The following GPC5 variants were observed in gnomAD, a reference collection of about 807,000 sequenced individuals.
GPC5 encodes glypican 5, also known as glypican-5.
In GPC5, 47 loss-of-function variants were observed where a neutral mutation model predicts 53.9. That is an observed-to-expected ratio of 0.87 (90% CI 0.69 to 1.11). The LOEUF (loss-of-function observed/expected upper bound fraction) is 1.11. Ranked by LOEUF, GPC5 falls within the 50% of genes most tolerant of loss-of-function variation. The pLI is 0.00. For missense variants in GPC5, 748 were observed against 713.1 expected, an observed-to-expected ratio of 1.05 and a Z score of -0.56; for synonymous variants, 286 against 263.3, an observed-to-expected ratio of 1.09 and a Z score of -0.84.
At chr13:92,576,053 T>G (rs1459995344) in intron 7 of GPC5, among the ~76,000 whole-genome samples, 1 of 152,170 alleles carries the variant, frequency 6.6e-6, no homozygotes. Flanking sequence ...TGTATGTGTA[T>G]GTATATATTC....
chr13:91,458,592 T>TA (rs974765338), intron 2 of GPC5, among the ~76,000 whole-genome samples: 15 of 150,706 alleles, frequency 1.0e-4, no homozygotes, highest in African/African-American at 2.4e-4. Flanking sequence ...AATTAAAAAA[T>TA]AAAAAAAAAT....
chr13:92,766,137 C>T (rs1315854134), intron 7 of GPC5, among the ~76,000 whole-genome samples: 2 of 152,140 alleles, frequency 1.3e-5, no homozygotes, highest in East Asian at 3.9e-4. Context: ...TATAGAGAAT[C>T]TCTAAAGCTC....
At chr13:91,611,868 T>G (rs574323330) in intron 2 of GPC5, among the ~76,000 whole-genome samples, 1 of 152,182 alleles carries the variant, frequency 6.6e-6, no homozygotes, top group Non-Finnish European at 1.5e-5. Context: ...GACATACACC[T>G]GAACACTGCT....
chr13:92,152,952 A>T (rs73620837), intron 7 of GPC5, among the ~76,000 whole-genome samples: 3,539 of 152,198 alleles, frequency 0.023, 140 homozygotes, highest in African/African-American at 0.081. Flanking sequence ...TAACTTTTAT[A>T]AAAAATACAG....
At chr13:92,820,365 G>T (rs1877632156) in intron 7 of GPC5, among the ~76,000 whole-genome samples, 1 of 152,060 alleles carries the variant, frequency 6.6e-6, no homozygotes, top group African/African-American at 2.4e-5. Flanking sequence ...AAACCTTTCA[G>T]GTTTTGTTGT....
intron 2 of GPC5, among the ~76,000 whole-genome samples, chr13:91,610,389 G>A (rs539346212): frequency 6.6e-6 from 1 of 152,148 alleles, no homozygotes; most frequent in East Asian, 1.9e-4. Context: ...TTCTTCCGTA[G>A]CTCATTTTAT....
At chr13:92,646,929 C>CT (rs372426651) in intron 7 of GPC5, among the ~76,000 whole-genome samples, 1 of 135,096 alleles carries the variant, frequency 7.4e-6, no homozygotes, top group Non-Finnish European at 1.6e-5. Flanking sequence ...TATATATAAA[C>CT]ATGTGTGTGT....
intron 5 of GPC5, among the ~76,000 whole-genome samples, chr13:91,764,563 A>G (rs768207628): frequency 6.6e-6 from 1 of 152,208 alleles, no homozygotes; most frequent in African/African-American, 2.4e-5. Context: ...AGTTCCATAA[A>G]CCGTGTAAAT....
At chr13:91,889,210 T>G (rs1053989033) in intron 5 of GPC5, among the ~76,000 whole-genome samples, 2 of 152,172 alleles carry the variant, frequency 1.3e-5, no homozygotes, top group African/African-American at 2.4e-5. Flanking sequence ...TGTAAAGGAA[T>G]AAGTGCCCAT....
intron 7 of GPC5, among the ~76,000 whole-genome samples, chr13:92,603,518 G>A (rs1363119196): frequency 2.0e-5 from 3 of 152,104 alleles, no homozygotes; most frequent in Admixed American, 6.6e-5. Context: ...TATAGCTGAG[G>A]TTTCAATGAT....
intron 7 of GPC5, among the ~76,000 whole-genome samples, chr13:92,508,751 G>C (rs1249865997): frequency 6.6e-6 from 1 of 152,138 alleles, no homozygotes; most frequent in Admixed American, 6.5e-5. Flanking sequence ...CAATAAATTA[G>C]TCAAGTCATA....
chr13:92,728,428 C>T (rs1888705381), intron 7 of GPC5, among the ~76,000 whole-genome samples: 1 of 151,354 alleles, frequency 6.6e-6, no homozygotes, highest in African/African-American at 2.4e-5. Context: ...CCCCATGATT[C>T]AGCCAATACA....
chr13:92,807,888 A>G (rs993388558), intron 7 of GPC5, among the ~76,000 whole-genome samples: 4 of 152,264 alleles, frequency 2.6e-5, no homozygotes, highest in Admixed American at 2.0e-4. Flanking sequence ...CTAAATAAAT[A>G]TGCCAGGTAT....
At chr13:92,267,201 C>T (rs1289317260) in intron 7 of GPC5, among the ~76,000 whole-genome samples, 1 of 152,000 alleles carries the variant, frequency 6.6e-6, no homozygotes, top group Non-Finnish European at 1.5e-5. Context: ...ATGTTTCCTC[C>T]ATACATCCTG....
At chr13:92,790,953 T>A (rs1292493582) in intron 7 of GPC5, among the ~76,000 whole-genome samples, 2 of 152,136 alleles carry the variant, frequency 1.3e-5, no homozygotes, top group Admixed American at 6.6e-5. Flanking sequence ...CTAGGTTCAA[T>A]GGAATGTTTT....
chr13:92,281,533 C>A (rs1384352876), intron 7 of GPC5, among the ~76,000 whole-genome samples: 3 of 152,098 alleles, frequency 2.0e-5, no homozygotes, highest in African/African-American at 7.2e-5. Context: ...CGGCTGGGTA[C>A]CCCTCTGAGA....
At chr13:91,879,662 G>A (rs538447417) in intron 5 of GPC5, among the ~76,000 whole-genome samples, 136 of 152,182 alleles carry the variant, frequency 8.9e-4, no homozygotes, top group African/African-American at 3.1e-3. Context: ...TCCCAAAAGC[G>A]CCATCTCCAA....
chr13:92,793,280 T>A (rs1876534341), intron 7 of GPC5, among the ~76,000 whole-genome samples: 1 of 152,110 alleles, frequency 6.6e-6, no homozygotes, highest in Non-Finnish European at 1.5e-5. Context: ...TGCTCCTGAA[T>A]GACTACTGGG....
intron 6 of GPC5, among the ~76,000 whole-genome samples, chr13:91,973,339 TG>T (rs2040263164): frequency 1.3e-5 from 2 of 152,256 alleles, no homozygotes; most frequent in African/African-American, 4.8e-5. Context: ...AGGACTTCTC[TG>T]CATTAGTTAT....
Sources: allele counts gnomAD v4.1 joint callset (sites outside exome capture counted in the v4.1 genomes callset), GRCh38; gene constraint gnomAD v4.1.1; transcripts MANE v1.5; gene names NCBI Gene and HGNC (gene_info 2026-07-23, HGNC 2026-07-21).